The following ADAM19 variants were observed in gnomAD, a reference collection of about 807,000 sequenced individuals.
ADAM19 encodes disintegrin and metalloproteinase domain-containing protein 19.
In ADAM19, 65 loss-of-function variants were observed where a neutral mutation model predicts 114.7. The ratio of observed to expected loss-of-function variants is 0.57; its 90% CI spans 0.46 to 0.70. The LOEUF (loss-of-function observed/expected upper bound fraction) is 0.70, where lower values mean the gene tolerates loss of function less well. Ranked by LOEUF, ADAM19 falls within the 30% of genes least tolerant of loss-of-function variation. The pLI, the probability that ADAM19 is intolerant of heterozygous loss-of-function variation, is 0.00. For missense variants in ADAM19, 1,063 were observed against 1,204.7 expected, an observed-to-expected ratio of 0.88 and a Z score of 1.74; for synonymous variants, 466 against 460.5, an observed-to-expected ratio of 1.01 and a Z score of -0.15.
intron 7 of ADAM19, among the ~76,000 whole-genome samples, chr5:157,516,487 C>T (rs1202968408): frequency 6.6e-6 from 1 of 152,166 alleles, no homozygotes; most frequent in Non-Finnish European, 1.5e-5. Flanking sequence ...CACCATGCTT[C>T]CCACTTCTCC....
chr5:157,571,004 A>G, intron 1 of ADAM19, 24 bp from the exon 2 acceptor site: 5 of 1,609,792 alleles, frequency 3.1e-6, no homozygotes, highest in Non-Finnish European at 4.2e-6. Flanking sequence ...ATGCAAAACC[A>G]TTGGAATCCC....
At chr5:157,540,360 G>A (rs1280531753) in intron 3 of ADAM19, among the ~76,000 whole-genome samples, 1 of 152,164 alleles carries the variant, frequency 6.6e-6, no homozygotes, top group Non-Finnish European at 1.5e-5. Flanking sequence ...GGAGTTCAGA[G>A]TTTAATAGTT....
rs369970791 is a variant in ADAM19, at chr5:157,520,935, T to C, written c.408-904A>G. Among the ~76,000 whole-genome samples the C allele has an allele frequency of 3.9e-5, 6 of 152,340 alleles. No individual in the cohort carries two copies. In the South Asian group the frequency reaches 1.2e-3, roughly 32 times the overall value. On this transcript the variant is annotated intron_variant, in intron 5 of 22. Transcript: ENST00000257527. ...CCTCTGGAAGACAGTCACAAACATT[T>C]ACTGGGCTCCTGCTACGGGCCAGGT...
intron 22 of ADAM19, chr5:157,481,529 CA>C (rs1754746689): frequency 7.6e-7 from 1 of 1,317,364 alleles, no homozygotes; most frequent in Non-Finnish European, 1.0e-6. Context: ...GGGACTTGCT[CA>C]GGGTCCCTCC....
chr5:157,486,143 C>T (rs184355212), intron 21 of ADAM19, among the ~76,000 whole-genome samples: 54 of 152,356 alleles, frequency 3.5e-4, no homozygotes, highest in African/African-American at 1.3e-3. Context: ...GGGCAGGAGG[C>T]TGTCTCACTC....
intron 11 of ADAM19, among the ~76,000 whole-genome samples, chr5:157,503,348 A>G (rs1755628906): frequency 6.6e-6 from 1 of 152,194 alleles, no homozygotes; most frequent in African/African-American, 2.4e-5. Context: ...GTTGTAGGGT[A>G]GCAAGAGGCG....
At chr5:157,489,262 C>A in intron 19 of ADAM19, 76 bp from the exon 20 acceptor site, 1 of 1,030,102 alleles carries the variant, frequency 9.7e-7, no homozygotes, top group Non-Finnish European at 1.5e-6. Context: ...TCCCTTTGAC[C>A]CAAGCACGGC....
At position 157,534,741 on chromosome 5, in the gene ADAM19, T is replaced by A. The variant is rs575315224; in HGVS notation, c.330+3172A>T. On this transcript the variant is annotated intron_variant, in intron 4 of 22. Transcript: ENST00000257527. ...TTTTTCCTTGTGATTCTGACCACAA[T>A]CTTATGAGGCAGATATTATTATTGC... 3.4e-4 allele frequency among the ~76,000 whole-genome samples: 52 copies of A among 152,260 alleles called. 1 individual carries two copies. The highest frequency in any genetic ancestry group is 1.2e-3 in the African/African-American group (50 of 41,546).
chr5:157,572,393 A>G (rs1191480066), intron 1 of ADAM19: 5 of 395,112 alleles, frequency 1.3e-5, no homozygotes, highest in Non-Finnish European at 2.6e-5. Context: ...TAATTTCCCG[A>G]CACCTAAACA....
intron 9 of ADAM19, among the ~76,000 whole-genome samples, chr5:157,507,881 T>C (rs1755797055): frequency 1.3e-5 from 2 of 152,186 alleles, no homozygotes; most frequent in South Asian, 2.1e-4. Context: ...AAACATGTAA[T>C]GTATTTAAAG....
chr5:157,479,229 T>C lies in ADAM19; in HGVS notation c.*1720A>G. On this transcript the variant is annotated 3_prime_UTR_variant, in exon 23 of 23. Transcript: ENST00000257527. ...TCTTTCTAAACCCAACCCAGGCTTT[T>C]CCCCCAGGGGTACATCCCGTATTTT... The C allele has an allele frequency of 1.0e-6, 1 of 985,846 alleles. No individual in the cohort carries two copies. Among genetic ancestry groups the C allele is most frequent in the Non-Finnish European group, 1.2e-6 (1 of 829,976 alleles). The allele number at this position is 985,846 out of a possible 1,614,324, so 61.1% of individuals were successfully genotyped here. A position where few individuals can be genotyped will look rare whatever the true frequency, so the allele number is the denominator to read the frequency against.
At chr5:157,482,166 T>G (rs1170531244) in intron 21 of ADAM19, among the ~76,000 whole-genome samples, 1 of 152,260 alleles carries the variant, frequency 6.6e-6, no homozygotes, top group Non-Finnish European at 1.5e-5. Flanking sequence ...AAGATGATCT[T>G]TTTTTCATAT....
At chr5:157,551,063 T>C (rs1186181127) in intron 3 of ADAM19, among the ~76,000 whole-genome samples, 1 of 152,046 alleles carries the variant, frequency 6.6e-6, no homozygotes, top group African/African-American at 2.4e-5. Context: ...TAGGCCCCTA[T>C]CTCTCATTGT....
Position 157,507,148 on chromosome 5 carries a change from A to G in ADAM19, c.906-8T>C. The G allele has an allele frequency of 1.9e-6, 3 of 1,613,570 alleles. No individual in the cohort carries two copies. The highest frequency in any genetic ancestry group is 2.5e-6 in the Non-Finnish European group (3 of 1,179,646). ...CCGTGGAAGGACATGCCCCTGCAGG[A>G]GGCAAGGAGAGACGGTGACCGGGGA... is the stretch of plus-strand genomic sequence containing the variant. On this transcript the variant is annotated splice_region_variant and splice_polypyrimidine_tract_variant and intron_variant, in intron 9 of 22. Transcript: ENST00000257527.
chr5:157,486,682 C>A (rs991432926), intron 21 of ADAM19, among the ~76,000 whole-genome samples: 3 of 151,978 alleles, frequency 2.0e-5, no homozygotes, highest in Non-Finnish European at 2.9e-5. Context: ...CCGACCCACT[C>A]CCTCCTCCCT....
In ADAM19 at chr5:157,488,118, G is replaced by T. The variant is rs1755009894; in HGVS notation, c.2550+147C>A. The T allele has an allele frequency of 3.9e-6, 3 of 769,896 alleles. No homozygotes were observed. In the East Asian group the frequency reaches 7.6e-5, roughly 20 times the overall value. The allele number at this position is 769,896 out of a possible 1,614,324, so 47.7% of individuals were successfully genotyped here. On this transcript the variant is annotated intron_variant, in intron 21 of 22. Transcript: ENST00000257527. ...TTCCCCACGTTCGTTGCTCTAACCT[G>T]CTGTGCGCCCCCGTATTGACTGAAT...
intron 16 of ADAM19, among the ~76,000 whole-genome samples, chr5:157,492,753 T>G (rs897729805): frequency 1.3e-5 from 2 of 152,202 alleles, no homozygotes; most frequent in African/African-American, 4.8e-5. Context: ...TGGCACTAGC[T>G]AGGCCACCTA....
At chr5:157,519,657 G>A (rs1274064044) in intron 6 of ADAM19, among the ~76,000 whole-genome samples, 182 bp downstream of exon 6, 1 of 152,208 alleles carries the variant, frequency 6.6e-6, no homozygotes, top group African/African-American at 2.4e-5. Flanking sequence ...TCCCCCAAAA[G>A]CAGTTATTCT....
chr5:157,508,548 C>T (rs530083715), intron 9 of ADAM19, among the ~76,000 whole-genome samples: 4 of 151,036 alleles, frequency 2.6e-5, no homozygotes, highest in East Asian at 1.9e-4. Context: ...TGCAGTGAGC[C>T]GAGATCACGC....
Sources: allele counts gnomAD v4.1 joint callset (sites outside exome capture counted in the v4.1 genomes callset), GRCh38; gene constraint gnomAD v4.1.1; transcripts MANE v1.5; gene names NCBI Gene and HGNC (gene_info 2026-07-23, HGNC 2026-07-21).